PACSIN2: variants seen among roughly 807,000 people sequenced by gnomAD.
PACSIN2 encodes protein kinase C and casein kinase substrate in neurons protein 2.
A neutral mutation model predicts 63.8 loss-of-function variants in PACSIN2; 25 were observed. The observed-to-expected ratio is 0.39, with a 90% CI of 0.29 to 0.55. The LOEUF (loss-of-function observed/expected upper bound fraction) is 0.55. Among genes scored for constraint, PACSIN2 ranks in the 20% least tolerant of loss-of-function variants. The probability of loss-of-function intolerance (pLI) is 0.62; values close to 1 mark genes in which losing one functional copy is unlikely to be tolerated. For synonymous variants in PACSIN2, 255 were observed against 256.2 expected, an observed-to-expected ratio of 1.00 and a Z score of 0.05; for missense variants, 518 against 646.9, an observed-to-expected ratio of 0.80 and a Z score of 2.16.
chr22:42,994,563 C>T (rs931845900), intron 1 of PACSIN2, among the ~76,000 whole-genome samples: 2 of 152,356 alleles, frequency 1.3e-5, no homozygotes, highest in Non-Finnish European at 2.9e-5. Context: ...CAGCAGGACA[C>T]GCCAGGGAGG....
At chr22:42,890,828 A>G in intron 4 of PACSIN2, 119 bp downstream of exon 4, 1 of 716,522 alleles carries the variant, frequency 1.4e-6, no homozygotes, top group South Asian at 1.7e-5. Flanking sequence ...CATCTCTACC[A>G]GGTCTGGCCT....
chr22:42,974,672 C>A (rs1333283532), intron 1 of PACSIN2, among the ~76,000 whole-genome samples: 3 of 150,492 alleles, frequency 2.0e-5, no homozygotes, highest in Non-Finnish European at 4.4e-5. Flanking sequence ...CTGCTTAAAC[C>A]TGGGAGGTGG....
intron 1 of PACSIN2, among the ~76,000 whole-genome samples, chr22:42,978,733 T>C (rs945783834): frequency 1.2e-4 from 18 of 152,182 alleles, no homozygotes; most frequent in African/African-American, 3.9e-4. Flanking sequence ...AAAAGTATGT[T>C]TGCATCCTGG....
At chr22:43,012,515 C>CT (rs1924569308) in intron 1 of PACSIN2, among the ~76,000 whole-genome samples, 1 of 152,112 alleles carries the variant, frequency 6.6e-6, no homozygotes, top group African/African-American at 2.4e-5. Flanking sequence ...GAGTCTCACT[C>CT]TGTCACCCAG....
intron 5 of PACSIN2, among the ~76,000 whole-genome samples, chr22:42,884,827 G>A (rs563915303): frequency 6.6e-6 from 1 of 152,252 alleles, no homozygotes; most frequent in Non-Finnish European, 1.5e-5. Context: ...AACTCAGTGT[G>A]TATGGTCTTG....
intron 1 of PACSIN2, among the ~76,000 whole-genome samples, chr22:43,006,827 A>C: frequency 6.6e-6 from 1 of 152,176 alleles, no homozygotes; most frequent in Non-Finnish European, 1.5e-5. Context: ...AAAAAGAAAA[A>C]AGAAAGAGAA....
At chr22:42,942,437 T>C (rs565544763) in intron 1 of PACSIN2, among the ~76,000 whole-genome samples, 1 of 152,228 alleles carries the variant, frequency 6.6e-6, no homozygotes, top group African/African-American at 2.4e-5. Context: ...CACTGCCTAA[T>C]CCAAGGTGAC....
rs766579102 is a variant in PACSIN2 at position 43,012,154 on chromosome 22, A to AATAAATACATAC, written c.-78+2866_-78+2867insGTATGTATTTAT. 2.5e-4 allele frequency among the ~76,000 whole-genome samples: 33 copies of AATAAATACATAC among 134,006 alleles called. 1 individual carries two copies. The highest frequency in any genetic ancestry group is 6.7e-4 in the African/African-American group (23 of 34,230). The allele number at this position is 134,006 out of a possible 152,430, so 87.9% of individuals were successfully genotyped here. ...GCGAGACTCTGTCTCAAAATAAATAAATACATACATACATACATACATACA... is the reference window on the plus strand; with the variant it reads ...GCGAGACTCTGTCTCAAAATAAATAAATAAATACATACATACATACATACATACATACATACA... On this transcript the variant is annotated intron_variant, in intron 1 of 10. Transcript: ENST00000263246.
intron 1 of PACSIN2, among the ~76,000 whole-genome samples, chr22:42,931,971 C>T (rs1011164029): frequency 6.6e-6 from 1 of 152,192 alleles, no homozygotes; most frequent in Non-Finnish European, 1.5e-5. Flanking sequence ...ATCCTCACTT[C>T]CAGTTTCTAG....
At chr22:42,960,487 C>A (rs369014935) in intron 1 of PACSIN2, among the ~76,000 whole-genome samples, 1 of 152,158 alleles carries the variant, frequency 6.6e-6, no homozygotes, top group Non-Finnish European at 1.5e-5. Flanking sequence ...CTAGGACACT[C>A]AAATACGCAA....
intron 1 of PACSIN2, among the ~76,000 whole-genome samples, chr22:42,952,162 C>T (rs1933721963): frequency 6.6e-6 from 1 of 152,154 alleles, no homozygotes; most frequent in African/African-American, 2.4e-5. Context: ...AGGATTTTGC[C>T]TTGTTTGCCC....
intron 1 of PACSIN2, among the ~76,000 whole-genome samples, chr22:42,970,252 G>C (rs1194218125): frequency 6.6e-6 from 1 of 152,180 alleles, no homozygotes; most frequent in Non-Finnish European, 1.5e-5. Flanking sequence ...GTGAGTCATG[G>C]CAGTATCAGG....
chr22:42,993,122 C>G (rs1401480923), intron 1 of PACSIN2, among the ~76,000 whole-genome samples: 1 of 151,150 alleles, frequency 6.6e-6, no homozygotes, highest in South Asian at 2.1e-4. Flanking sequence ...TGCAGTGAGT[C>G]GAGATTGCAC....
chr22:42,991,628 A>G (rs934662923), intron 1 of PACSIN2, among the ~76,000 whole-genome samples: 2 of 152,076 alleles, frequency 1.3e-5, no homozygotes, highest in Non-Finnish European at 2.9e-5. Context: ...GGAGCTGGGA[A>G]CTCCCAGGTG....
At chr22:42,896,910 T>C (rs1930327452) in intron 2 of PACSIN2, among the ~76,000 whole-genome samples, 1 of 152,224 alleles carries the variant, frequency 6.6e-6, no homozygotes, top group South Asian at 2.1e-4. Flanking sequence ...CTATTTGCCA[T>C]CTGTATGCCT....
chr22:42,951,887 C>A (rs1047727750), intron 1 of PACSIN2, among the ~76,000 whole-genome samples: 2 of 152,202 alleles, frequency 1.3e-5, no homozygotes, highest in Non-Finnish European at 2.9e-5. Flanking sequence ...CTACAGTGAC[C>A]TCCATGTGGT....
At chr22:42,986,262 C>T (rs1189816624) in intron 1 of PACSIN2, among the ~76,000 whole-genome samples, 1 of 152,128 alleles carries the variant, frequency 6.6e-6, no homozygotes, top group Non-Finnish European at 1.5e-5. Context: ...TAAGCAAAAC[C>T]GTGCCACTGC....
Position 42,882,321 on chromosome 22 carries a change from C to T in PACSIN2, c.786-17G>A, listed in dbSNP as rs537766747. ...GCTTTGTAGCTAAATCAGAGAGAAA[C>T]GTGGCTCTTTTAGAAGGCAGGGGCC... On this transcript the variant is annotated splice_polypyrimidine_tract_variant and intron_variant, in intron 6 of 10. Coordinates refer to ENST00000263246, the MANE Select transcript of PACSIN2 (RefSeq NM_001184970.3). The T allele has an allele frequency of 6.9e-6, 11 of 1,599,152 alleles. No homozygotes were observed. The highest frequency in any genetic ancestry group is 2.2e-5 in the East Asian group (1 of 44,732).
At chr22:42,998,568 C>G (rs1184312863) in intron 1 of PACSIN2, among the ~76,000 whole-genome samples, 7 of 152,156 alleles carry the variant, frequency 4.6e-5, no homozygotes, top group African/African-American at 1.7e-4. Flanking sequence ...TTTAGAAACT[C>G]CAGATGACAA....
Sources: gnomAD v4.1 joint callset for allele counts (sites outside exome capture counted in the v4.1 genomes callset) on GRCh38, gnomAD v4.1.1 for gene constraint, MANE v1.5 for transcripts, NCBI Gene and HGNC (gene_info 2026-07-23, HGNC 2026-07-21) for gene names.